Variants in BAALC observed in about 807,000 individuals in gnomAD.
The protein encoded by BAALC is brain and acute leukemia cytoplasmic protein.
A neutral mutation model predicts 15.5 loss-of-function variants in BAALC; 9 were observed. The observed-to-expected ratio is 0.58, with a 90% CI of 0.35 to 1.02. BAALC has a LOEUF of 1.02. Ranked by LOEUF, BAALC falls within the 50% of genes least tolerant of loss-of-function variation. The probability of loss-of-function intolerance (pLI) is 0.02; values close to 1 mark genes in which losing one functional copy is unlikely to be tolerated. For missense variants in BAALC, 201 were observed against 192.4 expected (o/e 1.04, Z -0.27); for synonymous variants, 80 against 74.6 (o/e 1.07, Z -0.37).
Position 103,141,026 on chromosome 8 carries a change from C to T in BAALC, c.129C>T (p.Asp43=), listed in dbSNP as rs1344350870. The T allele has an allele frequency of 6.6e-7, 1 of 1,516,206 alleles. No individual in the cohort carries two copies. Among genetic ancestry groups the T allele is most frequent in the Non-Finnish European group, 8.8e-7 (1 of 1,132,342 alleles). 93.9% of individuals were successfully genotyped at this position (1,516,206 alleles called of 1,614,324 possible). ...CGCCGCCCAGCGCCGCCGCCCCGGA[C>T]AGCGGCCCCGAAGCGGGCGGCCTGC... ...SDAPPSAAAP[D]SGPEAGGLHS... Residue 43 remains aspartate, a synonymous_variant, in exon 1 of 3, where the codon GAC becomes GAT. Transcript: ENST00000309982.
intron 1 of BAALC, among the ~76,000 whole-genome samples, chr8:103,209,753 T>G (rs1418725414): frequency 4.6e-5 from 7 of 152,202 alleles, no homozygotes; most frequent in Non-Finnish European, 1.5e-5. Context: ...TCAACTTAGT[T>G]TGCACCCTGC....
chr8:103,143,284 C>A (rs1810821444), intron 1 of BAALC, among the ~76,000 whole-genome samples: 1 of 152,172 alleles, frequency 6.6e-6, no homozygotes, highest in African/African-American at 2.4e-5. Flanking sequence ...TGCCCCCTCA[C>A]TTCCACCTCA....
chr8:103,186,178 G>A (rs1041826292), intron 1 of BAALC, among the ~76,000 whole-genome samples: 2 of 152,170 alleles, frequency 1.3e-5, no homozygotes, highest in Admixed American at 6.5e-5. Context: ...TCCCCTTACT[G>A]GATGTCCAGG....
chr8:103,146,773 G>A (rs1263624771), intron 1 of BAALC, among the ~76,000 whole-genome samples: 2 of 152,128 alleles, frequency 1.3e-5, no homozygotes, highest in African/African-American at 2.4e-5. Flanking sequence ...AAGCCTTTTT[G>A]TTATAAGCTG....
chr8:103,201,016 C>G (rs559695917), intron 1 of BAALC, among the ~76,000 whole-genome samples: 1 of 152,184 alleles, frequency 6.6e-6, no homozygotes, highest in East Asian at 1.9e-4. Context: ...TGAAGGCCAT[C>G]AAGCATCCTA....
intron 1 of BAALC, among the ~76,000 whole-genome samples, chr8:103,195,225 A>G (rs1184730176): frequency 2.6e-5 from 4 of 152,058 alleles, no homozygotes; most frequent in African/African-American, 7.2e-5. Flanking sequence ...AAAGCCCTAT[A>G]TGACTCTGGT....
chr8:103,172,391 C>CTTTT (rs36037103), intron 1 of BAALC, among the ~76,000 whole-genome samples: 177 of 100,108 alleles, frequency 1.8e-3, no homozygotes, highest in Non-Finnish European at 2.0e-3. Flanking sequence ...TTCTGGCTTG[C>CTTTT]TTTTTTTTTT....
intron 1 of BAALC, among the ~76,000 whole-genome samples, chr8:103,177,196 T>A (rs1264848552): frequency 4.1e-5 from 3 of 72,390 alleles, no homozygotes; most frequent in Non-Finnish European, 9.1e-5. Context: ...TTGTTTTGTT[T>A]TTTTTTTTTT....
intron 1 of BAALC, among the ~76,000 whole-genome samples, chr8:103,202,594 A>T (rs1476427385): frequency 1.3e-5 from 2 of 152,252 alleles, no homozygotes. Flanking sequence ...AAGGAGACAC[A>T]AAGAGGAAAG....
At chr8:103,141,291 A>G (rs186998070) in intron 1 of BAALC, 328 of 474,120 alleles carry the variant, frequency 6.9e-4, no homozygotes, top group African/African-American at 5.0e-3. Flanking sequence ...CAGCAGCCCA[A>G]TGCTCTTTGG....
At chr8:103,216,453 T>C (rs1017402581) in intron 2 of BAALC, among the ~76,000 whole-genome samples, 11 of 152,208 alleles carry the variant, frequency 7.2e-5, no homozygotes, top group African/African-American at 2.7e-4. Context: ...TTCCTTGTGG[T>C]AGCAACTACT....
chr8:103,219,965 C>A (rs958039045), intron 2 of BAALC, among the ~76,000 whole-genome samples: 1 of 152,068 alleles, frequency 6.6e-6, no homozygotes, highest in Non-Finnish European at 1.5e-5. Flanking sequence ...CATTTTTAAC[C>A]CTTACAACTC....
At chr8:103,216,583 G>A (rs993427074) in intron 2 of BAALC, among the ~76,000 whole-genome samples, 1 of 152,126 alleles carries the variant, frequency 6.6e-6, no homozygotes, top group African/African-American at 2.4e-5. Context: ...TAATGCCTGG[G>A]CTCAAGCACA....
intron 1 of BAALC, among the ~76,000 whole-genome samples, chr8:103,206,696 T>C (rs1395074029): frequency 6.6e-6 from 1 of 152,024 alleles, no homozygotes; most frequent in East Asian, 1.9e-4. Context: ...TTGTCTTGGC[T>C]CTGGTAGTAA....
At chr8:103,208,395 G>A (rs908885587) in intron 1 of BAALC, 2 of 152,236 alleles carry the variant, frequency 1.3e-5, no homozygotes, top group African/African-American at 4.8e-5. Flanking sequence ...TTTAAACTGT[G>A]TTTCTAGCAG....
chr8:103,223,822 A>G (rs992951037), intron 2 of BAALC, among the ~76,000 whole-genome samples: 2 of 152,198 alleles, frequency 1.3e-5, no homozygotes, highest in African/African-American at 4.8e-5. Context: ...AGTCTTTTCT[A>G]AAGAAAAGCA....
At chr8:103,167,461 T>C (rs1811374562) in intron 1 of BAALC, among the ~76,000 whole-genome samples, 1 of 152,222 alleles carries the variant, frequency 6.6e-6, no homozygotes, top group Non-Finnish European at 1.5e-5. Context: ...TTAATGTTAA[T>C]TTAAATTAGC....
At chr8:103,149,744 G>A (rs1182888815) in intron 1 of BAALC, among the ~76,000 whole-genome samples, 1 of 152,154 alleles carries the variant, frequency 6.6e-6, no homozygotes, top group Non-Finnish European at 1.5e-5. Flanking sequence ...AGGGGGAAAG[G>A]TCATGGAGAA....
intron 1 of BAALC, among the ~76,000 whole-genome samples, chr8:103,150,842 C>T (rs7006682): frequency 0.07 from 10,607 of 152,160 alleles, 510 homozygotes; most frequent in Non-Finnish European, 0.11. Flanking sequence ...CACAGGATCA[C>T]CCGGCCAGAT....
Sources: gnomAD v4.1 joint callset for allele counts (sites outside exome capture counted in the v4.1 genomes callset) on GRCh38, gnomAD v4.1.1 for gene constraint, MANE v1.5 for transcripts, NCBI Gene and HGNC (gene_info 2026-07-23, HGNC 2026-07-21) for gene names.